IL16: variants seen among roughly 807,000 people sequenced by gnomAD.
IL16 encodes the protein interleukin 16, also known as pro-interleukin-16.
Under a neutral mutation model 110.1 loss-of-function variants are expected in IL16, and 67 were observed. The observed-to-expected ratio is 0.61, with a 90% CI of 0.50 to 0.75. IL16 has a LOEUF of 0.75. Ranked by LOEUF, IL16 falls within the 30% of genes least tolerant of loss-of-function variation. The probability of loss-of-function intolerance (pLI) is 0.00; values close to 1 mark genes in which losing one functional copy is unlikely to be tolerated. For synonymous variants in IL16, 689 were observed against 662.9 expected, an observed-to-expected ratio of 1.04 and a Z score of -0.61; for missense variants, 1,545 against 1,655.0, an observed-to-expected ratio of 0.93 and a Z score of 1.15.
intron 2 of IL16, among the ~76,000 whole-genome samples, chr15:81,244,324 T>A (rs1897459199): frequency 6.6e-6 from 1 of 152,184 alleles, no homozygotes; most frequent in Non-Finnish European, 1.5e-5. Context: ...TGTTTGTTTG[T>A]TTGTTTTCCT....
intron 13 of IL16, among the ~76,000 whole-genome samples, chr15:81,298,884 T>C (rs1474649654): frequency 6.6e-6 from 1 of 152,240 alleles, no homozygotes. Flanking sequence ...ACCTTGTTTT[T>C]AATGACACGG....
chr15:81,284,022 A>AAG (rs71451572), intron 9 of IL16, among the ~76,000 whole-genome samples: 3,331 of 146,012 alleles, frequency 0.023, 132 homozygotes, highest in African/African-American at 0.075. Flanking sequence ...AAAAAAAAAA[A>AAG]AGAGAGAGAG....
chr15:81,260,881 T>C (rs1179108631), intron 3 of IL16, among the ~76,000 whole-genome samples: 2 of 151,654 alleles, frequency 1.3e-5, no homozygotes, highest in Non-Finnish European at 2.9e-5. Flanking sequence ...AATTTTTACT[T>C]ATTCTAGCAT....
chr15:81,211,541 C>G (rs148805822), intron 1 of IL16, among the ~76,000 whole-genome samples: 6 of 152,126 alleles, frequency 3.9e-5, no homozygotes, highest in African/African-American at 1.4e-4. Context: ...CATGAGCCAC[C>G]GCGCTTGGCC....
At chr15:81,218,295 A>G (rs1201304340) in intron 1 of IL16, among the ~76,000 whole-genome samples, 2 of 152,182 alleles carry the variant, frequency 1.3e-5, no homozygotes, top group African/African-American at 4.8e-5. Context: ...GTAATTAAAA[A>G]TATTTAGAGC....
chr15:81,201,034 C>G (rs1895792399), intron 1 of IL16, among the ~76,000 whole-genome samples: 1 of 152,140 alleles, frequency 6.6e-6, no homozygotes, highest in African/African-American at 2.4e-5. Flanking sequence ...GCCAGAGAAT[C>G]CTGCAGCAGT....
In IL16 at chr15:81,225,483, T is replaced by C; in HGVS notation, c.84T>C (p.Ala28=). The change falls in exon 2 of 19, where the codon GCT becomes GCC. Residue 28 remains alanine (A), a synonymous_variant. Coordinates refer to ENST00000683961, the MANE Select transcript of IL16 (RefSeq NM_172217.5). ...CCAGGTCCCTGATGCTCTGTAATGC[T>C]AAGACCAGTGATGATGGCTCTAGCC... ...SISRSLMLCN[A]KTSDDGSSPD... is the part of the protein sequence containing the mutation. 1.2e-6 allele frequency: 2 copies of C among 1,614,174 alleles called. No individual in the cohort carries two copies. The highest frequency in any genetic ancestry group is 1.7e-6 in the Non-Finnish European group (2 of 1,180,000).
At chr15:81,306,644 C>A in intron 18 of IL16, 99 bp downstream of exon 18, 2 of 1,423,096 alleles carry the variant, frequency 1.4e-6, no homozygotes, top group Non-Finnish European at 2.0e-6. Flanking sequence ...TGTTGTTTCC[C>A]ACAACTCCAT....
chr15:81,223,022 A>G (rs1021786636), intron 1 of IL16, among the ~76,000 whole-genome samples: 5 of 152,166 alleles, frequency 3.3e-5, no homozygotes, highest in Admixed American at 6.5e-5. Flanking sequence ...GGTAAAAGAG[A>G]AAACTACTCT....
chr15:81,197,551 T>C (rs972028193), intron 1 of IL16, among the ~76,000 whole-genome samples: 3 of 152,048 alleles, frequency 2.0e-5, no homozygotes, highest in Admixed American at 2.0e-4. Context: ...TGATGGGGGC[T>C]TCTCTGCTGC....
At chr15:81,216,646 T>TAGC (rs6145652) in intron 1 of IL16, among the ~76,000 whole-genome samples, 13,299 of 151,340 alleles carry the variant, frequency 0.088, 885 homozygotes, top group South Asian at 0.3. Flanking sequence ...CTGTCTGTCT[T>TAGC]AGCAGCAGCA....
intron 2 of IL16, among the ~76,000 whole-genome samples, chr15:81,256,801 T>C (rs559751701): frequency 1.2e-4 from 19 of 152,322 alleles, no homozygotes; most frequent in African/African-American, 4.3e-4. Context: ...ACTGGCTGTT[T>C]TACTAGGCTT....
At chr15:81,184,902 A>C (rs1895396363) in intron 1 of IL16, among the ~76,000 whole-genome samples, 1 of 152,180 alleles carries the variant, frequency 6.6e-6, no homozygotes, top group South Asian at 2.1e-4. Flanking sequence ...GATTCTGAGC[A>C]TGTGGTCATG....
rs552328319 is a variant in IL16, at chr15:81,247,842, A to G, written c.313-11930A>G. On this transcript the variant is annotated intron_variant, in intron 2 of 18. Transcript: ENST00000683961. ...CCCAGTTAACATTTTTAAGTGCCTTATAATTAATTGTGGTGTTGTCAGAAA... is the reference window on the plus strand; with the variant it reads ...CCCAGTTAACATTTTTAAGTGCCTTGTAATTAATTGTGGTGTTGTCAGAAA... Among the ~76,000 whole-genome samples, 5 of 152,212 alleles carry G rather than the reference A, an allele frequency of 3.3e-5. No individual in the cohort carries two copies. In the South Asian group the frequency reaches 1.0e-3, roughly 32 times the overall value.
At chr15:81,256,685 C>T (rs1206244352) in intron 2 of IL16, among the ~76,000 whole-genome samples, 1 of 152,108 alleles carries the variant, frequency 6.6e-6, no homozygotes, top group African/African-American at 2.4e-5. Flanking sequence ...GTATTGTGTA[C>T]ACATCATTTA....
chr15:81,232,244 T>G (rs1487340824), intron 2 of IL16, among the ~76,000 whole-genome samples: 2 of 152,126 alleles, frequency 1.3e-5, no homozygotes, highest in East Asian at 3.9e-4. Context: ...TTTTTGTTGT[T>G]GTTGTTTATT....
In IL16 at chr15:81,301,514, T is replaced by C. The variant is rs1273867956; in HGVS notation, c.3318+2T>C. On this transcript the variant is annotated splice_donor_variant, in intron 15 of 18. Coordinates refer to ENST00000683961, the MANE Select transcript of IL16 (RefSeq NM_172217.5). LOFTEE classifies it high-confidence loss of function. Reference sequence around the variant, plus strand: ...GTTCTGGATGAAGCAACATTAAAGGTAGGTTTCCTTTGTAAGCATCTGCAG... The same window carrying C: ...GTTCTGGATGAAGCAACATTAAAGGCAGGTTTCCTTTGTAAGCATCTGCAG... The C allele has an allele frequency of 1.9e-6, 3 of 1,610,564 alleles. No homozygotes were observed. The highest frequency in any genetic ancestry group is 1.7e-5 in the Admixed American group (1 of 59,116).
At chr15:81,220,352 A>ACCAGGCTGC (rs556943630) in intron 1 of IL16, among the ~76,000 whole-genome samples, 211 of 152,154 alleles carry the variant, frequency 1.4e-3, no homozygotes, top group Non-Finnish European at 2.5e-3. Context: ...ACAGGGTTTC[A>ACCAGGCTGC]CCAGGCTGCC....
chr15:81,226,627 C>T (rs1475551907), intron 2 of IL16, among the ~76,000 whole-genome samples: 2 of 152,224 alleles, frequency 1.3e-5, no homozygotes, highest in Non-Finnish European at 2.9e-5. Flanking sequence ...CTATTTAACA[C>T]ACATAATAAA....
Sources: gnomAD v4.1 joint callset for allele counts (sites outside exome capture counted in the v4.1 genomes callset) on GRCh38, gnomAD v4.1.1 for gene constraint, MANE v1.5 for transcripts, NCBI Gene and HGNC (gene_info 2026-07-23, HGNC 2026-07-21) for gene names.